SATB2: variants seen among roughly 807,000 people sequenced by gnomAD.
SATB2 encodes the protein DNA-binding protein SATB2.
SATB2 carries 1 observed loss-of-function variant against 73.4 expected under a neutral mutation model. That is an observed-to-expected ratio of 0.01 (90% CI 0.00 to 0.06). The LOEUF is 0.06. Ranked by LOEUF, SATB2 falls within the 10% of genes least tolerant of loss-of-function variation. The probability of loss-of-function intolerance (pLI) is 1.00; values close to 1 mark genes in which losing one functional copy is unlikely to be tolerated. For missense variants in SATB2, 459 were observed against 945.8 expected, an observed-to-expected ratio of 0.49 and a Z score of 6.75; for synonymous variants, 397 against 367.0, an observed-to-expected ratio of 1.08 and a Z score of -0.93.
chr2:199,375,795 T>C (rs1390241241), intron 5 of SATB2, among the ~76,000 whole-genome samples: 1 of 152,174 alleles, frequency 6.6e-6, no homozygotes, highest in Non-Finnish European at 1.5e-5. Flanking sequence ...CTTCTTCCTA[T>C]ATTGAAAGGG....
chr2:199,327,913 CT>C (rs1181561510), intron 8 of SATB2, among the ~76,000 whole-genome samples: 1 of 152,124 alleles, frequency 6.6e-6, no homozygotes, highest in Admixed American at 6.6e-5. Flanking sequence ...TCCATTTTGT[CT>C]TTTTCAGATT....
chr2:199,391,500 A>G (rs1197974806), intron 3 of SATB2, among the ~76,000 whole-genome samples: 2 of 152,018 alleles, frequency 1.3e-5, no homozygotes, highest in Non-Finnish European at 2.9e-5. Flanking sequence ...TTCAGTGTTC[A>G]TATACACATC....
chr2:199,321,145 A>C (rs986908826), intron 9 of SATB2, among the ~76,000 whole-genome samples: 1 of 151,982 alleles, frequency 6.6e-6, no homozygotes, highest in African/African-American at 2.4e-5. Flanking sequence ...TCACAATACA[A>C]TGGAGTGGGT....
At chr2:199,369,959 T>A (rs1181185437) in intron 5 of SATB2, among the ~76,000 whole-genome samples, 2 of 152,136 alleles carry the variant, frequency 1.3e-5, no homozygotes, top group Admixed American at 1.3e-4. Context: ...TTCTTTTCTC[T>A]GAGGGAAGAT....
intron 3 of SATB2, among the ~76,000 whole-genome samples, chr2:199,412,429 G>C (rs1690848317): frequency 6.6e-6 from 1 of 152,166 alleles, no homozygotes; most frequent in Admixed American, 6.5e-5. Flanking sequence ...AGCAATGGAA[G>C]GAGCAAGGAG....
intron 3 of SATB2, among the ~76,000 whole-genome samples, chr2:199,398,836 A>T (rs1448718017): frequency 6.6e-6 from 1 of 152,218 alleles, no homozygotes; most frequent in Non-Finnish European, 1.5e-5. Flanking sequence ...ATAAAAAAAT[A>T]AAGACTCACA....
At chr2:199,346,858 C>CTTTTTTTTTTTT (rs540374842) in intron 7 of SATB2, 1 of 88,440 alleles carries the variant, frequency 1.1e-5, no homozygotes, top group African/African-American at 4.1e-5. Context: ...TTTCACTTAA[C>CTTTTTTTTTTTT]TTTTTTTTTT....
rs775188271 is a variant in SATB2 at position 199,412,721 on chromosome 2, T to TA, written c.346+20616dup. On this transcript the variant is annotated intron_variant, in intron 3 of 10. Transcript: ENST00000417098. ...ACAATGATTTGAGAAGGAAATCAGG[T>TA]AAAAAAAAAACAAAAAACAAAAAAC... 5.8e-3 allele frequency among the ~76,000 whole-genome samples: 835 copies of TA among 145,034 alleles called. 4 individuals are homozygous for TA. The highest frequency in any genetic ancestry group is 0.012 in the African/African-American group (458 of 39,458).
chr2:199,411,732 T>G (rs966090794), intron 3 of SATB2, among the ~76,000 whole-genome samples: 1 of 152,128 alleles, frequency 6.6e-6, no homozygotes, highest in African/African-American at 2.4e-5. Context: ...ACAGGACTAG[T>G]TCCTAGACTA....
intron 10 of SATB2, among the ~76,000 whole-genome samples, chr2:199,298,686 T>A (rs1201718251): frequency 6.6e-6 from 1 of 152,116 alleles, no homozygotes; most frequent in Non-Finnish European, 1.5e-5. Flanking sequence ...GTTAATTACC[T>A]CCTAGATTTA....
At chr2:199,339,390 CTGTT>C (rs1376875118) in intron 7 of SATB2, among the ~76,000 whole-genome samples, 1 of 152,136 alleles carries the variant, frequency 6.6e-6, no homozygotes, top group African/African-American at 2.4e-5. Flanking sequence ...AAATGAAAGA[CTGTT>C]TATTTTATGA....
At chr2:199,392,575 G>T (rs567414190) in intron 3 of SATB2, among the ~76,000 whole-genome samples, 195 of 152,146 alleles carry the variant, frequency 1.3e-3, no homozygotes, top group Non-Finnish European at 2.4e-3. Context: ...AAATACAGTG[G>T]GTGTGTGTAT....
intron 10 of SATB2, among the ~76,000 whole-genome samples, chr2:199,296,584 T>A (rs1177978826): frequency 6.6e-6 from 1 of 152,056 alleles, no homozygotes; most frequent in East Asian, 1.9e-4. Context: ...CCCAGCTACC[T>A]TGGAGGCTGA....
At chr2:199,435,447 C>G (rs1346561997) in intron 2 of SATB2, among the ~76,000 whole-genome samples, 1 of 151,736 alleles carries the variant, frequency 6.6e-6, no homozygotes, top group Non-Finnish European at 1.5e-5. Flanking sequence ...CTCTCGGGTT[C>G]AAGCGATTCT....
chr2:199,427,106 G>A (rs981303858), intron 3 of SATB2, among the ~76,000 whole-genome samples: 3 of 152,096 alleles, frequency 2.0e-5, no homozygotes, highest in Non-Finnish European at 4.4e-5. Flanking sequence ...TCAAACCCCT[G>A]ACCTCAAGGG....
At chr2:199,437,494 C>T (rs891690594) in intron 2 of SATB2, among the ~76,000 whole-genome samples, 2 of 152,182 alleles carry the variant, frequency 1.3e-5, no homozygotes, top group African/African-American at 4.8e-5. Context: ...CCACTGTTCA[C>T]AGCAACAGCT....
intron 2 of SATB2, among the ~76,000 whole-genome samples, chr2:199,447,991 A>C (rs1692011376): frequency 6.6e-6 from 1 of 152,158 alleles, no homozygotes; most frequent in African/African-American, 2.4e-5. Context: ...TGGGTCCAAA[A>C]CAACATAAAC....
At chr2:199,363,368 T>C (rs1358061244) in intron 6 of SATB2, among the ~76,000 whole-genome samples, 2 of 152,194 alleles carry the variant, frequency 1.3e-5, no homozygotes, top group Non-Finnish European at 2.9e-5. Flanking sequence ...CTGGAGAACG[T>C]TGTGCTAAGT....
chr2:199,439,673 C>G (rs540750785), intron 2 of SATB2, among the ~76,000 whole-genome samples: 1 of 152,226 alleles, frequency 6.6e-6, no homozygotes, highest in African/African-American at 2.4e-5. Flanking sequence ...TTTACTTGTT[C>G]TATAACCTCA....
Sources: gnomAD v4.1 joint callset for allele counts (sites outside exome capture counted in the v4.1 genomes callset) on GRCh38, gnomAD v4.1.1 for gene constraint, MANE v1.5 for transcripts, NCBI Gene and HGNC (gene_info 2026-07-23, HGNC 2026-07-21) for gene names.